Variants in REPS1 observed in about 807,000 individuals in gnomAD.
The protein encoded by REPS1 is ralBP1-associated Eps domain-containing protein 1.
A neutral mutation model predicts 100.9 loss-of-function variants in REPS1; 39 were observed. That is an observed-to-expected ratio of 0.39 (90% CI 0.30 to 0.50). The LOEUF is 0.50. REPS1 is among the 20% of genes least tolerant of loss of function. REPS1 has a pLI of 0.86. For missense variants in REPS1, 821 were observed against 968.5 expected (o/e 0.85, Z 2.02); for synonymous variants, 324 against 340.3 (o/e 0.95, Z 0.53).
At chr6:138,932,304 C>CT in intron 8 of REPS1, among the ~76,000 whole-genome samples, 2 of 92,120 alleles carry the variant, frequency 2.2e-5, no homozygotes, top group East Asian at 4.7e-4. Context: ...GGACCACAGA[C>CT]CCCTAAGAGT....
chr6:138,971,234 T>C (rs1179179374), intron 1 of REPS1, among the ~76,000 whole-genome samples: 1 of 152,202 alleles, frequency 6.6e-6, no homozygotes, highest in African/African-American at 2.4e-5. Context: ...AGTGGGTCAT[T>C]AGCTTTCAAA....
In REPS1 at chr6:138,945,360, G is replaced by C. The variant is rs781462369; in HGVS notation, c.487C>G (p.Pro163Ala). 1 of 1,601,998 alleles carries C rather than the reference G, an allele frequency of 6.2e-7. No homozygotes were observed. The highest frequency in any genetic ancestry group is 1.1e-5 in the South Asian group (1 of 88,528). The change falls in exon 4 of 20, where the codon CCA becomes GCA. Residue 163 changes from proline to alanine, a missense_variant. Pro to Ala is a conservative substitution (Grantham distance 27, BLOSUM62 -1). This residue lies in a region of REPS1 where 757 missense variants were observed against 866.4 expected (regional missense o/e 0.87). Coordinates refer to ENST00000450536, the MANE Select transcript of REPS1 (RefSeq NM_001286611.2). ...TSADAQEPAS[P>A]VVSPQQSPPT... is the part of the protein sequence containing the mutation. ...GGGGATTGCTGTGGTGAAACTACTG[G>C]GGATGCAGGTTCCTAGAAAAGAATA...
intron 1 of REPS1, among the ~76,000 whole-genome samples, chr6:138,984,078 C>A (rs1451990328): frequency 7.4e-6 from 1 of 134,448 alleles, no homozygotes; most frequent in Middle Eastern, 3.7e-3. Flanking sequence ...CTCTCTCTCT[C>A]TTTTTTTTTT....
At chr6:138,907,875 C>CT (rs1779764529) in intron 18 of REPS1, among the ~76,000 whole-genome samples, 1 of 151,932 alleles carries the variant, frequency 6.6e-6, no homozygotes, top group Admixed American at 6.6e-5. Flanking sequence ...ACTGGCAAAC[C>CT]TTTTCTGTAA....
intron 1 of REPS1, among the ~76,000 whole-genome samples, chr6:138,979,188 A>AAC (rs1210729641): frequency 5.4e-5 from 8 of 148,590 alleles, no homozygotes; most frequent in Admixed American, 1.3e-4. Context: ...CACAAAAAAA[A>AAC]AAAAAAAAAC....
intron 1 of REPS1, among the ~76,000 whole-genome samples, chr6:138,956,323 TGGA>T (rs1408481531): frequency 6.6e-6 from 1 of 151,888 alleles, no homozygotes; most frequent in Non-Finnish European, 1.5e-5. Context: ...AGAATACCCA[TGGA>T]GAAGAAACAA....
intron 10 of REPS1, among the ~76,000 whole-genome samples, chr6:138,923,691 T>C (rs1256455697): frequency 2.0e-5 from 3 of 152,160 alleles, no homozygotes; most frequent in Non-Finnish European, 4.4e-5. Context: ...ACCATCAGAA[T>C]CTCAATTTCA....
At chr6:138,986,757 G>C (rs1337492440) in intron 1 of REPS1, among the ~76,000 whole-genome samples, 3 of 146,800 alleles carry the variant, frequency 2.0e-5, no homozygotes, top group Non-Finnish European at 4.5e-5. Context: ...AGAACTTCTA[G>C]GAAGTCCTCT....
intron 8 of REPS1, among the ~76,000 whole-genome samples, chr6:138,936,579 G>T (rs1453360736): frequency 7.3e-6 from 1 of 136,854 alleles, no homozygotes; most frequent in East Asian, 2.5e-4. Flanking sequence ...GACAGAGAGA[G>T]ACGGCAGGGT....
At chr6:138,965,900 T>A (rs1458857111) in intron 1 of REPS1, among the ~76,000 whole-genome samples, 1 of 152,158 alleles carries the variant, frequency 6.6e-6, no homozygotes, top group African/African-American at 2.4e-5. Context: ...TAATCAGAAA[T>A]TTTAAAAAAT....
rs761374511 is a variant in REPS1 at position 138,908,678 on chromosome 6, A to G, written c.2206T>C (p.Ser736Pro). 6.2e-7 allele frequency: 1 copy of G among 1,614,014 alleles called. No homozygotes were observed. The stretch of plus-strand genomic sequence containing the variant: ...AATAGCTTTGATTACCTGGGAATAG[A>G]AGGTTGTGATGCAAGAACAGCAGCT... ...VLAAVLASQPSIPRSVGKDKK... is the reference protein window; with the variant it reads ...VLAAVLASQPPIPRSVGKDKK... The change falls in exon 18 of 20, where the codon TCT becomes CCT. Residue 736 changes from serine to proline, a missense_variant. This residue lies in a region of REPS1 where 757 missense variants were observed against 866.4 expected (regional missense o/e 0.87). Transcript: ENST00000450536.
chr6:138,932,606 TAC>T (rs760458677), intron 8 of REPS1, among the ~76,000 whole-genome samples: 4 of 152,206 alleles, frequency 2.6e-5, no homozygotes, highest in Admixed American at 1.3e-4. Flanking sequence ...GGGAAATACA[TAC>T]ACACAGCATT....
intron 2 of REPS1, among the ~76,000 whole-genome samples, chr6:138,947,210 T>C (rs1782692767): frequency 6.6e-6 from 1 of 152,192 alleles, no homozygotes; most frequent in African/African-American, 2.4e-5. Context: ...GTCTCAGGGA[T>C]TTCTTTATAG....
chr6:138,930,020 G>A lies in REPS1; in HGVS notation c.1214C>T (p.Pro405Leu). Residue 405 changes from proline to leucine, a missense_variant, in exon 9 of 20, where the codon CCA becomes CTA. By Grantham distance (98) the Pro-to-Leu change is moderately conservative. This residue lies in a region of REPS1 where 757 missense variants were observed against 866.4 expected (regional missense o/e 0.87). Coordinates refer to ENST00000450536, the MANE Select transcript of REPS1 (RefSeq NM_001286611.2). ...EAPPSKSPSM[P>L]SLNQTWPELN... ...CTCAGGCCATGTCTGGTTTAGTGAT[G>A]GCATCGATGGTGACTTGCTTGGAGG... The A allele has an allele frequency of 6.2e-7, 1 of 1,613,674 alleles. No homozygotes were observed. The highest frequency in any genetic ancestry group is 2.2e-5 in the East Asian group (1 of 44,872).
intron 1 of REPS1, among the ~76,000 whole-genome samples, chr6:138,949,289 G>C (rs1269561248): frequency 6.6e-6 from 1 of 152,142 alleles, no homozygotes; most frequent in Non-Finnish European, 1.5e-5. Context: ...TGTTCAAGAA[G>C]GGAAACAGAA....
rs1460619651 is a variant in REPS1, at chr6:138,943,880, G to C, written c.889C>G (p.Gln297Glu). The stretch of plus-strand genomic sequence containing the variant: ...GGAATAAATCCGTTTAGATCAGGCT[G>C]AATGGTTTTAAACTGATTTACATAA... Reference protein sequence around the residue: ...QYYVNQFKTIQPDLNGFIPGS... With the variant: ...QYYVNQFKTIEPDLNGFIPGS... Residue 297 changes from glutamine (Q) to glutamate (E), a missense_variant, in exon 6 of 20, where the codon CAG becomes GAG. Physicochemically the swap from Gln to Glu is conservative, Grantham distance 29. Around this residue, in one of 3 missense-constraint regions of REPS1, gnomAD observed 757 missense variants for 866.4 expected, o/e 0.87. Transcript: ENST00000450536. The C allele has an allele frequency of 2.5e-6, 4 of 1,613,336 alleles. No homozygotes were observed. In the African/African-American group the frequency reaches 5.3e-5, roughly 22 times the overall value.
chr6:138,911,394 C>T, intron 16 of REPS1, 23 bp from the exon 17 acceptor site: 4 of 1,393,384 alleles, frequency 2.9e-6, no homozygotes, highest in South Asian at 1.2e-5. Context: ...ATGTTTATCA[C>T]TATTAATTCT....
chr6:138,960,634 G>A (rs1211807666), intron 1 of REPS1, among the ~76,000 whole-genome samples: 1 of 152,078 alleles, frequency 6.6e-6, no homozygotes, highest in African/African-American at 2.4e-5. Context: ...TTAAAGTGTA[G>A]AGGAAATTCA....
intron 1 of REPS1, among the ~76,000 whole-genome samples, chr6:138,957,417 A>C (rs969607560): frequency 2.0e-5 from 3 of 152,228 alleles, no homozygotes; most frequent in Admixed American, 2.0e-4. Context: ...AAAAATTTTC[A>C]ACCTAGAATT....
Sources: allele counts gnomAD v4.1 joint callset (sites outside exome capture counted in the v4.1 genomes callset), GRCh38; gene constraint gnomAD v4.1.1; regional missense constraint gnomAD v4.1.1; transcripts MANE v1.5; gene names NCBI Gene and HGNC (gene_info 2026-07-23, HGNC 2026-07-21).